Variants in SCTR observed in about 807,000 individuals in gnomAD.
SCTR encodes secretin receptor.
Under a neutral mutation model 60.8 loss-of-function variants are expected in SCTR, and 56 were observed. That is an observed-to-expected ratio of 0.92 (90% CI 0.74 to 1.15). The LOEUF (loss-of-function observed/expected upper bound fraction) is 1.15, where lower values mean the gene tolerates loss of function less well. Among genes scored for constraint, SCTR ranks in the 50% most tolerant of loss-of-function variants. The pLI, the probability that SCTR is intolerant of heterozygous loss-of-function variation, is 0.00. For synonymous variants in SCTR, 202 were observed against 217.0 expected (o/e 0.93, Z 0.61); for missense variants, 562 against 550.4 (o/e 1.02, Z -0.21).
rs1213305985 is a variant in SCTR, at chr2:119,491,237, C to A, written c.193+3191G>T. 2.6e-5 allele frequency among the ~76,000 whole-genome samples: 4 copies of A among 152,182 alleles called. No homozygotes were observed. In the South Asian group the frequency reaches 8.3e-4, roughly 32 times the overall value. ...ATAATGCAGACGGTAACACTCCTGG[C>A]CTCCTAAGACTCTCCAAGGCTTTTG... On this transcript the variant is annotated intron_variant, in intron 2 of 12. Coordinates refer to ENST00000019103, the MANE Select transcript of SCTR (RefSeq NM_002980.3).
intron 1 of SCTR, among the ~76,000 whole-genome samples, chr2:119,502,552 C>A (rs1016264467): frequency 6.6e-6 from 1 of 151,880 alleles, no homozygotes; most frequent in Admixed American, 6.6e-5. Context: ...AATGAGAATA[C>A]CTAAAAGAGG....
At chr2:119,509,388 G>A (rs181525882) in intron 1 of SCTR, among the ~76,000 whole-genome samples, 161 of 152,232 alleles carry the variant, frequency 1.1e-3, no homozygotes, top group Middle Eastern at 3.4e-3. Flanking sequence ...ACTCCAGGGC[G>A]GTATCAATGT....
rs1384721383 is a variant in SCTR at position 119,494,466 on chromosome 2, T to TGATCTTCCTTTATTCCTTC, written c.154_155insGAAGGAATAAAGGAAGATC (p.Glu52GlyfsTer22). The TGATCTTCCTTTATTCCTTC allele has an allele frequency of 3.7e-6, 6 of 1,613,952 alleles. No homozygotes were observed. The East Asian group carries it at 1.3e-4, about 36-fold the overall frequency. On this transcript the variant is annotated frameshift_variant, in exon 2 of 13. Coordinates refer to ENST00000019103, the MANE Select transcript of SCTR (RefSeq NM_002980.3). LOFTEE classifies it high-confidence loss of function. ...CTCCGTGCCCAGGTCTCCTGTCTGC[T>TGATCTTCCTTTATTCCTTC]CTCTGGAGAGTTCCTGCAGGCACTG...
intron 3 of SCTR, among the ~76,000 whole-genome samples, chr2:119,475,809 G>A (rs935809128): frequency 6.6e-5 from 10 of 151,452 alleles, no homozygotes; most frequent in Non-Finnish European, 7.4e-5. Context: ...AGAAGGCTCC[G>A]GGACCCTAAT....
At chr2:119,522,791 T>C (rs945351204) in intron 1 of SCTR, among the ~76,000 whole-genome samples, 1 of 152,190 alleles carries the variant, frequency 6.6e-6, no homozygotes. Context: ...ACCTTCTGGC[T>C]CTACCTGGCT....
In SCTR at chr2:119,446,774, G is replaced by A. The variant is rs1682945549; in HGVS notation, c.1125C>T (p.Ala375=). 1.8e-5 allele frequency: 28 copies of A among 1,553,972 alleles called. No individual in the cohort carries two copies. Among genetic ancestry groups the A allele is most frequent in the Non-Finnish European group, 2.4e-5 (28 of 1,147,802 alleles). Residue 375 remains alanine, a synonymous_variant, in exon 11 of 13, where the codon GCC becomes GCT. Coordinates refer to ENST00000019103, the MANE Select transcript of SCTR (RefSeq NM_002980.3). ...GGAAACTTACCTGGAATGAGCCAAG[G>A]GCTAGTTCAAAAAACAGCTGGATCT... ...AMEIQLFFEL[A]LGSFQGLVVA... is the part of the protein sequence containing the mutation.
At chr2:119,517,261 G>A (rs1220534829) in intron 1 of SCTR, among the ~76,000 whole-genome samples, 7 of 151,918 alleles carry the variant, frequency 4.6e-5, no homozygotes, top group Admixed American at 3.9e-4. Flanking sequence ...CCTGGTTCAA[G>A]CATTCCTCCC....
intron 2 of SCTR, among the ~76,000 whole-genome samples, chr2:119,488,774 G>C (rs187882864): frequency 6.6e-6 from 1 of 152,264 alleles, no homozygotes; most frequent in Admixed American, 6.5e-5. Context: ...CCTTCTTCAG[G>C]TAGTCATTCA....
rs534969718 is a variant in SCTR at position 119,468,454 on chromosome 2, A to G, written c.406-2568T>C. Reference sequence around the variant, plus strand: ...TTGAGCAAATTATTTAACTTCTTTGAGCCTCAGATTCCTCATCTGCAAAAT... The same window carrying G: ...TTGAGCAAATTATTTAACTTCTTTGGGCCTCAGATTCCTCATCTGCAAAAT... On this transcript the variant is annotated intron_variant, in intron 4 of 12. Coordinates refer to ENST00000019103, the MANE Select transcript of SCTR (RefSeq NM_002980.3). 4.6e-5 allele frequency among the ~76,000 whole-genome samples: 7 copies of G among 152,358 alleles called. No homozygotes were observed. The South Asian group carries it at 1.4e-3, about 32-fold the overall frequency.
At chr2:119,509,515 T>C (rs767282647) in intron 1 of SCTR, among the ~76,000 whole-genome samples, 11 of 152,180 alleles carry the variant, frequency 7.2e-5, no homozygotes, top group Non-Finnish European at 1.3e-4. Flanking sequence ...AGAAATGGGA[T>C]AACATATCTA....
At chr2:119,449,681 G>A (rs950014141) in intron 9 of SCTR, among the ~76,000 whole-genome samples, 2 of 152,038 alleles carry the variant, frequency 1.3e-5, no homozygotes, top group Admixed American at 6.6e-5. Context: ...AGGGATCAGT[G>A]GAATCACCCA....
At chr2:119,523,537 G>A (rs1445597930) in intron 1 of SCTR, among the ~76,000 whole-genome samples, 2 of 151,724 alleles carry the variant, frequency 1.3e-5, no homozygotes, top group East Asian at 1.9e-4. Flanking sequence ...CATCCCACAC[G>A]AGACGGTGTG....
chr2:119,460,253 C>T (rs1175420121), intron 7 of SCTR, among the ~76,000 whole-genome samples: 1 of 151,938 alleles, frequency 6.6e-6, no homozygotes, highest in African/African-American at 2.4e-5. Flanking sequence ...CAGGAAGAAA[C>T]CAAAAGAAGC....
intron 1 of SCTR, among the ~76,000 whole-genome samples, chr2:119,517,719 A>T (rs1679159542): frequency 6.6e-6 from 1 of 152,120 alleles, no homozygotes; most frequent in South Asian, 2.1e-4. Flanking sequence ...GTCAGCGGAG[A>T]GGAAGAGGGT....
At chr2:119,519,810 C>CAAAAAAAAAAAAAAAAAAAA (rs71396064) in intron 1 of SCTR, among the ~76,000 whole-genome samples, 1 of 58,290 alleles carries the variant, frequency 1.7e-5, no homozygotes, top group East Asian at 1.0e-3. Flanking sequence ...GACTCTGTCT[C>CAAAAAAAAAAAAAAAAAAAA]AAAAAAAAAA....
chr2:119,484,770 G>T (rs892230621), intron 2 of SCTR: 2 of 152,126 alleles, frequency 1.3e-5, no homozygotes, highest in East Asian at 3.9e-4. Context: ...GTTTCCAAAG[G>T]CCTCTGGGGG....
At chr2:119,455,790 GA>G (rs1410674146) in intron 7 of SCTR, among the ~76,000 whole-genome samples, 7 of 151,878 alleles carry the variant, frequency 4.6e-5, no homozygotes, top group Admixed American at 3.3e-4. Flanking sequence ...AAAACAGAAG[GA>G]AAAAACAATT....
chr2:119,485,462 T>C (rs1411462383), intron 2 of SCTR, among the ~76,000 whole-genome samples: 1 of 152,188 alleles, frequency 6.6e-6, no homozygotes, highest in African/African-American at 2.4e-5. Context: ...GCCTGGGAGT[T>C]TGCCCTGCAT....
chr2:119,523,254 C>T (rs967751689), intron 1 of SCTR, among the ~76,000 whole-genome samples: 1 of 151,704 alleles, frequency 6.6e-6, no homozygotes, highest in African/African-American at 2.4e-5. Flanking sequence ...CCACCTCTAA[C>T]CCCCACTCCC....
Sources: allele counts gnomAD v4.1 joint callset (sites outside exome capture counted in the v4.1 genomes callset), GRCh38; gene constraint gnomAD v4.1.1; transcripts MANE v1.5; gene names NCBI Gene and HGNC (gene_info 2026-07-23, HGNC 2026-07-21).